The following SEMA5A variants were observed in gnomAD, a reference collection of about 807,000 sequenced individuals.
SEMA5A encodes the protein semaphorin-5A.
SEMA5A carries 55 observed loss-of-function variants against 135.5 expected under a neutral mutation model. That is an observed-to-expected ratio of 0.41 (90% CI 0.33 to 0.51). The LOEUF (loss-of-function observed/expected upper bound fraction) is 0.51, where lower values mean the gene tolerates loss of function less well. Among genes scored for constraint, SEMA5A ranks in the 20% least tolerant of loss-of-function variants. The pLI is 0.37. For missense variants in SEMA5A, 1,290 were observed against 1,419.9 expected, an observed-to-expected ratio of 0.91 and a Z score of 1.47; for synonymous variants, 580 against 546.5, an observed-to-expected ratio of 1.06 and a Z score of -0.85.
chr5:9,499,508 C>T (rs1236744489), intron 1 of SEMA5A, among the ~76,000 whole-genome samples: 1 of 152,138 alleles, frequency 6.6e-6, no homozygotes, highest in Non-Finnish European at 1.5e-5. Context: ...TTGTCTTCTT[C>T]CTCCATTAAA....
chr5:9,485,087 G>A (rs933883278), intron 1 of SEMA5A, among the ~76,000 whole-genome samples: 3 of 152,072 alleles, frequency 2.0e-5, no homozygotes, highest in Non-Finnish European at 4.4e-5. Context: ...ATTATTCATT[G>A]TTTATCTGAA....
intron 11 of SEMA5A, among the ~76,000 whole-genome samples, chr5:9,168,925 C>T (rs1269955709): frequency 6.6e-6 from 1 of 152,102 alleles, no homozygotes; most frequent in African/African-American, 2.4e-5. Flanking sequence ...TTAACCATTA[C>T]CCAAAGAGTT....
At position 9,039,670 on chromosome 5, in the gene SEMA5A, G is replaced by A. The variant is rs1370322761; in HGVS notation, c.*3227C>T. 1.3e-5 allele frequency: 2 copies of A among 152,234 alleles called. No homozygotes were observed. The highest frequency in any genetic ancestry group is 4.8e-5 in the African/African-American group (2 of 41,432). The allele number at this position is 152,234 out of a possible 1,614,324, so 9.4% of individuals were successfully genotyped here. On this transcript the variant is annotated 3_prime_UTR_variant, in exon 23 of 23. Coordinates refer to ENST00000382496, the MANE Select transcript of SEMA5A (RefSeq NM_003966.3). The stretch of plus-strand genomic sequence containing the variant: ...TAGAAATATGCTCAGAGGGGAATGG[G>A]GAGTTCTGGAGGGAACGCCATGAGT...
intron 13 of SEMA5A, among the ~76,000 whole-genome samples, chr5:9,129,815 A>G (rs1393689455): frequency 6.6e-6 from 1 of 152,170 alleles, no homozygotes; most frequent in Non-Finnish European, 1.5e-5. Context: ...TGAATCTTCA[A>G]CACATCTGTA....
chr5:9,218,885 T>G (rs1049404790), intron 8 of SEMA5A, among the ~76,000 whole-genome samples: 2 of 152,224 alleles, frequency 1.3e-5, no homozygotes, highest in Non-Finnish European at 2.9e-5. Flanking sequence ...TCAACAAACA[T>G]GTATTAACTC....
chr5:9,350,389 G>A (rs1280565039), intron 3 of SEMA5A, among the ~76,000 whole-genome samples: 1 of 152,214 alleles, frequency 6.6e-6, no homozygotes, highest in African/African-American at 2.4e-5. Flanking sequence ...CATGTTCCAA[G>A]AGAGTGTCTG....
chr5:9,293,848 A>G lies in SEMA5A; in HGVS notation c.270+24524T>C, dbSNP rs554350892. On this transcript the variant is annotated intron_variant, in intron 5 of 22. Transcript: ENST00000382496. ...AGGTACTTTTTGCAAAAGTGAATAC[A>G]TAATTAAATAAAAAATAGTAATACT... is the stretch of plus-strand genomic sequence containing the variant. 4.3e-4 allele frequency among the ~76,000 whole-genome samples: 66 copies of G among 152,334 alleles called. No individual in the cohort carries two copies. The South Asian group carries it at 0.012, about 28-fold the overall frequency.
At chr5:9,053,328 A>G (rs1001134313) in intron 19 of SEMA5A, among the ~76,000 whole-genome samples, 3 of 152,096 alleles carry the variant, frequency 2.0e-5, no homozygotes, top group African/African-American at 4.8e-5. Flanking sequence ...CTCCACCCTG[A>G]TTTTCAACAA....
At chr5:9,101,469 T>C (rs1048600132) in intron 16 of SEMA5A, among the ~76,000 whole-genome samples, 2 of 152,216 alleles carry the variant, frequency 1.3e-5, no homozygotes, top group Non-Finnish European at 2.9e-5. Flanking sequence ...AAACAATACC[T>C]GGCATGTAGC....
intron 15 of SEMA5A, among the ~76,000 whole-genome samples, chr5:9,113,733 A>G (rs546302026): frequency 6.6e-6 from 1 of 152,370 alleles, no homozygotes; most frequent in South Asian, 2.1e-4. Context: ...GGAAATTCAA[A>G]TCAAAACCAC....
At chr5:9,358,828 C>T (rs1479369585) in intron 3 of SEMA5A, among the ~76,000 whole-genome samples, 2 of 152,172 alleles carry the variant, frequency 1.3e-5, no homozygotes, top group Admixed American at 6.5e-5. Context: ...CATACCTGTC[C>T]TCTATGCTAT....
intron 2 of SEMA5A, among the ~76,000 whole-genome samples, chr5:9,422,837 A>G (rs1428441300): frequency 6.6e-6 from 1 of 152,228 alleles, no homozygotes; most frequent in Non-Finnish European, 1.5e-5. Context: ...TTCCAAAAAT[A>G]GTGCAAAAAA....
chr5:9,067,632 C>A (rs534044153), intron 16 of SEMA5A, among the ~76,000 whole-genome samples: 13 of 152,268 alleles, frequency 8.5e-5, no homozygotes, highest in African/African-American at 2.9e-4. Context: ...CCACCTCTTT[C>A]AGTTGCAGAT....
chr5:9,040,634 T>C lies in SEMA5A; in HGVS notation c.*2263A>G, dbSNP rs1735908819. ...AAATGGGATTCTTTTGCAATGCTAA[T>C]TTCAAAGGTTTGTTTATATTATTAA... On this transcript the variant is annotated 3_prime_UTR_variant, in exon 23 of 23. Coordinates refer to ENST00000382496, the MANE Select transcript of SEMA5A (RefSeq NM_003966.3). The C allele has an allele frequency of 6.6e-6, 1 of 152,246 alleles. No individual in the cohort carries two copies. The highest frequency in any genetic ancestry group is 2.4e-5 in the African/African-American group (1 of 41,472). 9.4% of individuals were successfully genotyped at this position (152,246 alleles called of 1,614,324 possible).
At chr5:9,092,247 A>C (rs1388731062) in intron 16 of SEMA5A, among the ~76,000 whole-genome samples, 1 of 152,248 alleles carries the variant, frequency 6.6e-6, no homozygotes, top group Admixed American at 6.5e-5. Context: ...CATGGGAAAT[A>C]AGACTGTATT....
At chr5:9,284,072 G>A (rs1467968029) in intron 5 of SEMA5A, among the ~76,000 whole-genome samples, 1 of 151,248 alleles carries the variant, frequency 6.6e-6, no homozygotes, top group African/African-American at 2.4e-5. Context: ...ACAGATGATA[G>A]ATGATAGATA....
rs935489653 is a variant in SEMA5A, at chr5:9,476,386, T to C, written c.-174-38534A>G. On this transcript the variant is annotated intron_variant, in intron 1 of 22. Coordinates refer to ENST00000382496, the MANE Select transcript of SEMA5A (RefSeq NM_003966.3). ...TTTTTTTTAATCTTTACCAAGCTAA[T>C]AGGTGAAAAATAGTTGATAGTTTAC... 2.0e-5 allele frequency among the ~76,000 whole-genome samples: 3 copies of C among 152,124 alleles called. No individual in the cohort carries two copies. In the East Asian group the frequency reaches 5.8e-4, roughly 29 times the overall value.
chr5:9,292,540 A>T (rs1751136766), intron 5 of SEMA5A, among the ~76,000 whole-genome samples: 1 of 152,214 alleles, frequency 6.6e-6, no homozygotes, highest in Non-Finnish European at 1.5e-5. Context: ...TCAGGTAAAT[A>T]AATGGTGAAT....
chr5:9,149,019 T>C (rs2150247161), intron 12 of SEMA5A, among the ~76,000 whole-genome samples: 1 of 152,292 alleles, frequency 6.6e-6, no homozygotes, highest in South Asian at 2.1e-4. Flanking sequence ...CATGCCCGGC[T>C]GCCCCTTTTG....
Sources: allele counts gnomAD v4.1 joint callset (sites outside exome capture counted in the v4.1 genomes callset), GRCh38; gene constraint gnomAD v4.1.1; transcripts MANE v1.5; gene names NCBI Gene and HGNC (gene_info 2026-07-23, HGNC 2026-07-21).